ZNF574: variants seen among roughly 807,000 people sequenced by gnomAD.
The protein encoded by ZNF574 is zinc finger protein 574.
A neutral mutation model predicts 56.6 loss-of-function variants in ZNF574; 25 were observed. The observed-to-expected ratio is 0.44, with a 90% CI of 0.32 to 0.62. ZNF574 has a LOEUF of 0.62. Among genes scored for constraint, ZNF574 ranks in the 20% least tolerant of loss-of-function variants. ZNF574 has a pLI of 0.04. For missense variants in ZNF574, 1,065 were observed against 1,218.9 expected, an observed-to-expected ratio of 0.87 and a Z score of 1.88; for synonymous variants, 543 against 492.1, an observed-to-expected ratio of 1.10 and a Z score of -1.37.
rs1042162450 is a variant in ZNF574, at chr19:42,079,446, T to C, written c.840T>C (p.Asn280=). The change falls in exon 2 of 2, where the codon AAT becomes AAC. Residue 280 remains asparagine, a synonymous_variant. Coordinates refer to ENST00000359044, the MANE Select transcript of ZNF574 (RefSeq NM_022752.6). This position sits in a 1 kb window ranked among gnomAD's most constrained non-coding sequence, Gnocchi z 4.3. ...CTGACCACAGTTACGAGCTGCGCAA[T>C]GGTGAAGCCATTGGGCGGGATCGCC... is the stretch of plus-strand genomic sequence containing the variant. ...PASDHSYELR[N]GEAIGRDRRG... 2 of 1,613,630 alleles carry C rather than the reference T, an allele frequency of 1.2e-6. No homozygotes were observed. Among genetic ancestry groups the C allele is most frequent in the African/African-American group, 2.7e-5 (2 of 75,052 alleles).
chr19:42,081,534 A>T lies in ZNF574; in HGVS notation c.*237A>T. The T allele has an allele frequency of 1.7e-6, 1 of 598,346 alleles. No homozygotes were observed. Among genetic ancestry groups the T allele is most frequent in the Non-Finnish European group, 3.1e-6 (1 of 326,748 alleles). 37.1% of individuals were successfully genotyped at this position (598,346 alleles called of 1,614,324 possible). ...TGACCCCAAAAATGAAACCATCAATAAAGACTGAGTTGCCAGCAGTGTGTA... is the reference window on the plus strand; with the variant it reads ...TGACCCCAAAAATGAAACCATCAATTAAGACTGAGTTGCCAGCAGTGTGTA... On this transcript the variant is annotated 3_prime_UTR_variant, in exon 2 of 2. Transcript: ENST00000359044.
upstream of ZNF574, among the ~76,000 whole-genome samples, chr19:42,072,016 A>G (rs375426611): frequency 1.3e-5 from 2 of 151,486 alleles, no homozygotes; most frequent in East Asian, 3.9e-4. Flanking sequence ...AAAAAAAAAC[A>G]AAAAACAAAA....
rs2076492793 is a variant in ZNF574 at position 42,080,686 on chromosome 19, C to A, written c.2080C>A (p.Pro694Thr). 6.2e-7 allele frequency: 1 copy of A among 1,613,142 alleles called. No individual in the cohort carries two copies. Among genetic ancestry groups the A allele is most frequent in the East Asian group, 2.2e-5 (1 of 44,876 alleles). The change falls in exon 2 of 2, where the codon CCT (proline) becomes ACT (threonine). Residue 694 changes from proline (P) to threonine (T), a missense_variant. By Grantham distance (38) the Pro-to-Thr change is conservative (BLOSUM62 -1). Transcript: ENST00000359044. This position sits in a 1 kb window ranked among gnomAD's most constrained non-coding sequence, Gnocchi z 8.5. ...AHEAAHAAAG[P>T]GEVLAKEPPA... ...CGAGGCGGCCCATGCAGCTGCTGGGCCTGGAGAGGTCCTGGCTAAGGAGCC... is the reference window on the plus strand; with the variant it reads ...CGAGGCGGCCCATGCAGCTGCTGGGACTGGAGAGGTCCTGGCTAAGGAGCC...
chr19:42,073,766 G>C (rs979736817), upstream of ZNF574, among the ~76,000 whole-genome samples: 12 of 134,918 alleles, frequency 8.9e-5, no homozygotes, highest in African/African-American at 2.2e-4. Context: ...GCAGTTAGCT[G>C]AGATCACACC....
In ZNF574 at chr19:42,079,833, C is replaced by G; in HGVS notation, c.1227C>G (p.His409Gln). The change falls in exon 2 of 2, where the codon CAC becomes CAG. Residue 409 changes from histidine (H) to glutamine (Q), a missense_variant. His to Gln is a conservative substitution (Grantham distance 24). Coordinates refer to ENST00000359044, the MANE Select transcript of ZNF574 (RefSeq NM_022752.6). The surrounding 1 kb of genome is among the most constrained non-coding windows in gnomAD (Gnocchi z 4.3). ...TFVNLTKFLYHRRTHGVGGVP... is the reference protein window; with the variant it reads ...TFVNLTKFLYQRRTHGVGGVP... ...TCAACCTTACCAAGTTCCTTTATCA[C>G]CGGCGTACTCATGGGGTAGGGGGTG... 1 of 1,614,160 alleles carries G rather than the reference C, an allele frequency of 6.2e-7. No individual in the cohort carries two copies. The highest frequency in any genetic ancestry group is 8.5e-7 in the Non-Finnish European group (1 of 1,180,038).
chr19:42,074,500 TA>T (rs987723672), upstream of ZNF574, among the ~76,000 whole-genome samples: 50 of 147,768 alleles, frequency 3.4e-4, no homozygotes, highest in African/African-American at 1.2e-3. Context: ...TAAAATAAAA[TA>T]AAAATAAAAT....
chr19:42,077,569 GC>G (rs1243852132), intron 1 of ZNF574, among the ~76,000 whole-genome samples: 2 of 152,154 alleles, frequency 1.3e-5, no homozygotes, highest in Admixed American at 1.3e-4. Flanking sequence ...TGAATGAGTG[GC>G]TGTGTATGAA....
At chr19:42,069,140 C>T (rs933668355) in intron 1 of ZNF574, 14 of 405,454 alleles carry the variant, frequency 3.5e-5, no homozygotes, top group African/African-American at 1.0e-4. Context: ...CTTGCCAGTC[C>T]GGAGAACGGG....
chr19:42,069,769 G>A (rs1475753183), intron 1 of ZNF574, among the ~76,000 whole-genome samples: 1 of 151,928 alleles, frequency 6.6e-6, no homozygotes, highest in Non-Finnish European at 1.5e-5. Flanking sequence ...CTCCCCCCTG[G>A]AGCCTGGGCC....
chr19:42,081,043 C>A lies in ZNF574; in HGVS notation c.2437C>A (p.Arg813Ser), dbSNP rs761750370. The A allele has an allele frequency of 1.9e-6, 3 of 1,614,188 alleles. No individual in the cohort carries two copies. Among genetic ancestry groups the A allele is most frequent in the Non-Finnish European group, 2.5e-6 (3 of 1,180,052 alleles). ...CATCTCCATGCGCCTGGCAGAACAT[C>A]GCCGCATCCACACAGGCGAACGACC... The part of the protein sequence containing the change: ...FAISMRLAEH[R>S]RIHTGERPYS... The change falls in exon 2 of 2, where the codon CGC (arginine) becomes AGC (serine). Residue 813 changes from arginine (R) to serine (S), a missense_variant. Transcript: ENST00000359044.
In ZNF574 at chr19:42,081,252, G is replaced by C. The variant is rs1840545533; in HGVS notation, c.2646G>C (p.Glu882Asp). 6.2e-7 allele frequency: 1 copy of C among 1,614,108 alleles called. No individual in the cohort carries two copies. Among genetic ancestry groups the C allele is most frequent in the African/African-American group, 1.3e-5 (1 of 75,032 alleles). Reference protein sequence around the residue: ...VEALPLVEAIEIYPLAEAEGV... With the variant: ...VEALPLVEAIDIYPLAEAEGV... ...CGCTACCCCTGGTGGAAGCCATTGAGATCTACCCTCTGGCCGAGGCTGAGG... is the reference window on the plus strand; with the variant it reads ...CGCTACCCCTGGTGGAAGCCATTGACATCTACCCTCTGGCCGAGGCTGAGG... Residue 882 changes from glutamate (E) to aspartate (D), a missense_variant, in exon 2 of 2, where the codon GAG (glutamate) becomes GAC (aspartate). Physicochemically the swap from Glu to Asp is conservative, Grantham distance 45 (BLOSUM62 2). Coordinates refer to ENST00000359044, the MANE Select transcript of ZNF574 (RefSeq NM_022752.6).
rs146716265 is a variant in ZNF574 at position 42,080,921 on chromosome 19, G to A, written c.2315G>A (p.Gly772Asp). ...CGGCCATACCCATGTCCAGACTGTG[G>A]CAAAGCGTTCCGTCAGAGTACCCAC... is the stretch of plus-strand genomic sequence containing the variant. ...GERPYPCPDC[G>D]KAFRQSTHLK... The change falls in exon 2 of 2, where the codon GGC (glycine) becomes GAC (aspartate). Residue 772 changes from glycine to aspartate, a missense_variant. Coordinates refer to ENST00000359044, the MANE Select transcript of ZNF574 (RefSeq NM_022752.6). The surrounding 1 kb of genome is among the most constrained non-coding windows in gnomAD (Gnocchi z 8.5). 26 of 1,614,088 alleles carry A rather than the reference G, an allele frequency of 1.6e-5. No homozygotes were observed. Among genetic ancestry groups the A allele is most frequent in the African/African-American group, 5.3e-5 (4 of 75,042 alleles).
intron 1 of ZNF574, chr19:42,071,023 T>C (rs1020907674): frequency 2.0e-5 from 3 of 152,280 alleles, no homozygotes; most frequent in African/African-American, 7.3e-5. Flanking sequence ...GTGGTGAGTA[T>C]GAGAATTCCC....
chr19:42,069,829 C>G (rs561561711), intron 1 of ZNF574, among the ~76,000 whole-genome samples: 2 of 151,736 alleles, frequency 1.3e-5, no homozygotes, highest in Admixed American at 1.3e-4. Flanking sequence ...TCAGCCCCCA[C>G]GGGAAAAGCA....
rs769043292 is a variant in ZNF574 at position 42,081,439 on chromosome 19, G to A, written c.*142G>A. On this transcript the variant is annotated 3_prime_UTR_variant, in exon 2 of 2. Coordinates refer to ENST00000359044, the MANE Select transcript of ZNF574 (RefSeq NM_022752.6). Reference sequence around the variant, plus strand: ...AGTTCTAAATTGGATTTATTCTCTCGTGAGGGGGGTGCTCTGGGGTCCTTG... The same window carrying A: ...AGTTCTAAATTGGATTTATTCTCTCATGAGGGGGGTGCTCTGGGGTCCTTG... 1.2e-5 allele frequency: 14 copies of A among 1,145,450 alleles called. No individual in the cohort carries two copies. The East Asian group carries it at 1.3e-4, about 10-fold the overall frequency. 71.0% of individuals were successfully genotyped at this position (1,145,450 alleles called of 1,614,324 possible).
At position 42,079,909 on chromosome 19, in the gene ZNF574, C is replaced by G; in HGVS notation, c.1303C>G (p.Pro435Ala). 1.2e-6 allele frequency: 2 copies of G among 1,613,994 alleles called. No homozygotes were observed. Among genetic ancestry groups the G allele is most frequent in the Non-Finnish European group, 1.7e-6 (2 of 1,180,010 alleles). ...VPPEEPVIGF[P>A]EPAPAETGEP... is the part of the protein sequence containing the mutation. ...ACCAGAGGAACCTGTCATTGGTTTC[C>G]CTGAGCCAGCCCCAGCAGAGACTGG... The change falls in exon 2 of 2, where the codon CCT becomes GCT. Residue 435 changes from proline (P) to alanine (A), a missense_variant. Transcript: ENST00000359044. This position sits in a 1 kb window ranked among gnomAD's most constrained non-coding sequence, Gnocchi z 4.3.
chr19:42,074,456 T>TA (rs1241219652), upstream of ZNF574, among the ~76,000 whole-genome samples: 19 of 146,050 alleles, frequency 1.3e-4, no homozygotes, highest in African/African-American at 4.1e-4. Context: ...CTCTGTCTCA[T>TA]AAATAAAATA....
chr19:42,068,550 G>T (rs2076374096), exon 1 of ZNF574: 5 of 401,618 alleles, frequency 1.2e-5, no homozygotes, highest in Non-Finnish European at 1.8e-5. Context: ...AAGTGACAGA[G>T]GGAAGACAGC....
chr19:42,078,821 A>G lies in ZNF574; in HGVS notation c.215A>G (p.Gln72Arg). 1.9e-6 allele frequency: 3 copies of G among 1,614,070 alleles called. No homozygotes were observed. Among genetic ancestry groups the G allele is most frequent in the East Asian group, 2.2e-5 (1 of 44,876 alleles). The change falls in exon 2 of 2, where the codon CAG (glutamine) becomes CGG (arginine). Residue 72 changes from glutamine to arginine, a missense_variant. Coordinates refer to ENST00000359044, the MANE Select transcript of ZNF574 (RefSeq NM_022752.6). ...SGTGLYQTLVQESQYQCLECG... is the reference protein window; with the variant it reads ...SGTGLYQTLVRESQYQCLECG... ...ACGGGCCTCTATCAGACCCTTGTGC[A>G]GGAGAGCCAGTACCAGTGCCTGGAG...
Sources: allele counts gnomAD v4.1 joint callset (sites outside exome capture counted in the v4.1 genomes callset), GRCh38; gene constraint gnomAD v4.1.1; non-coding constraint Gnocchi (gnomAD v3.1); transcripts MANE v1.5; gene names NCBI Gene and HGNC (gene_info 2026-07-23, HGNC 2026-07-21).